The following MYO18B variants were observed in gnomAD, a reference collection of about 807,000 sequenced individuals.
The protein encoded by MYO18B is unconventional myosin-XVIIIb.
Under a neutral mutation model 273.0 loss-of-function variants are expected in MYO18B, and 204 were observed. The observed-to-expected ratio is 0.75, with a 90% CI of 0.67 to 0.84. The LOEUF (loss-of-function observed/expected upper bound fraction) is 0.84. MYO18B is among the 40% of genes least tolerant of loss of function. MYO18B has a pLI of 0.00. For synonymous variants in MYO18B, 1,330 were observed against 1,305.7 expected, an observed-to-expected ratio of 1.02 and a Z score of -0.40; for missense variants, 3,212 against 3,287.6, an observed-to-expected ratio of 0.98 and a Z score of 0.56.
chr22:25,876,870 A>C (rs2091214955), intron 24 of MYO18B: 1 of 152,182 alleles, frequency 6.6e-6, no homozygotes, highest in African/African-American at 2.4e-5. Context: ...TCTACTTAAA[A>C]TGTATTCTGA....
chr22:25,971,226 G>A (rs1377506321), intron 39 of MYO18B, among the ~76,000 whole-genome samples: 2 of 152,170 alleles, frequency 1.3e-5, no homozygotes, highest in African/African-American at 2.4e-5. Context: ...TTTGGCCCAC[G>A]GGCTGTAGTT....
At chr22:25,916,135 T>C (rs951066960) in intron 33 of MYO18B, among the ~76,000 whole-genome samples, 7 of 152,196 alleles carry the variant, frequency 4.6e-5, no homozygotes, top group African/African-American at 1.7e-4. Flanking sequence ...ACATAAAAAA[T>C]ATTCATGGTA....
At chr22:25,858,970 C>G (rs2090652437) in intron 21 of MYO18B, among the ~76,000 whole-genome samples, 4 of 152,102 alleles carry the variant, frequency 2.6e-5, no homozygotes, top group Admixed American at 2.0e-4. Flanking sequence ...GTCACTCAGC[C>G]TTTCTTTGAC....
chr22:26,049,998 A>T, the MYO18B span, among the ~76,000 whole-genome samples: 1 of 152,356 alleles, frequency 6.6e-6, no homozygotes, highest in East Asian at 1.9e-4. Context: ...TTACAAAGTG[A>T]TTCGGAGTCA....
chr22:25,963,783 A>G (rs983620566), intron 39 of MYO18B, among the ~76,000 whole-genome samples: 5 of 151,792 alleles, frequency 3.3e-5, no homozygotes, highest in African/African-American at 2.4e-5. Context: ...TTGGGTAGCT[A>G]TGGGGATTAA....
At chr22:25,948,439 C>T (rs200451591) in intron 36 of MYO18B, among the ~76,000 whole-genome samples, 7,007 of 106,126 alleles carry the variant, frequency 0.066, 249 homozygotes, top group East Asian at 0.1. Context: ...TCCTTCCTTC[C>T]TTCCTTCCTT....
intron 12 of MYO18B, among the ~76,000 whole-genome samples, chr22:25,816,180 G>A (rs1240235017): frequency 6.6e-6 from 1 of 152,066 alleles, no homozygotes; most frequent in Non-Finnish European, 1.5e-5. Flanking sequence ...GTTGTCCCTG[G>A]GCAGAAAGCC....
At chr22:25,839,445 G>T (rs2090018026) in intron 17 of MYO18B, among the ~76,000 whole-genome samples, 1 of 152,160 alleles carries the variant, frequency 6.6e-6, no homozygotes, top group Admixed American at 6.5e-5. Context: ...TGTGAGATGT[G>T]TCTGCCCCTT....
intron 39 of MYO18B, among the ~76,000 whole-genome samples, chr22:25,971,014 A>G (rs763598881): frequency 1.4e-4 from 22 of 152,222 alleles, no homozygotes; most frequent in Admixed American, 2.6e-4. Context: ...GGATGCTCTG[A>G]TCCAGGGACT....
intron 39 of MYO18B, among the ~76,000 whole-genome samples, chr22:25,980,302 T>G (rs1053119111): frequency 6.6e-6 from 1 of 152,210 alleles, no homozygotes; most frequent in Non-Finnish European, 1.5e-5. Flanking sequence ...AAATGTTAAC[T>G]TTCCAGAAAG....
chr22:26,019,562 G>C (rs1935643979), intron 42 of MYO18B, among the ~76,000 whole-genome samples: 1 of 152,168 alleles, frequency 6.6e-6, no homozygotes, highest in Non-Finnish European at 1.5e-5. Context: ...ATAATGCATA[G>C]TCCTGGGTGC....
intron 39 of MYO18B, among the ~76,000 whole-genome samples, chr22:25,990,947 C>T (rs1218855885): frequency 1.3e-5 from 2 of 152,078 alleles, no homozygotes; most frequent in African/African-American, 4.8e-5. Flanking sequence ...CATCTATAAC[C>T]CCGCTTTGCC....
intron 21 of MYO18B, among the ~76,000 whole-genome samples, chr22:25,855,081 C>G (rs2090527554): frequency 6.6e-6 from 1 of 152,076 alleles, no homozygotes; most frequent in Non-Finnish European, 1.5e-5. Context: ...AGTTATTTTT[C>G]CTGATTCTCT....
At chr22:25,762,616 C>A (rs2086362653) in intron 2 of MYO18B, among the ~76,000 whole-genome samples, 1 of 152,252 alleles carries the variant, frequency 6.6e-6, no homozygotes, top group Admixed American at 6.5e-5. Flanking sequence ...GTTCTAGGAC[C>A]CAGTGTTAGA....
chr22:26,055,923 G>A, the MYO18B span, among the ~76,000 whole-genome samples: 12 of 152,074 alleles, frequency 7.9e-5, no homozygotes, highest in African/African-American at 2.4e-4. Flanking sequence ...CTAATCCTAC[G>A]CCTGAGATGA....
chr22:25,800,188 G>A (rs992091261), intron 12 of MYO18B, among the ~76,000 whole-genome samples: 2 of 152,086 alleles, frequency 1.3e-5, no homozygotes, highest in African/African-American at 2.4e-5. Flanking sequence ...TCAGGAGGGG[G>A]AGGTTAAGAG....
chr22:26,037,873 C>T, the MYO18B span, among the ~76,000 whole-genome samples: 1 of 152,340 alleles, frequency 6.6e-6, no homozygotes, highest in East Asian at 1.9e-4. Context: ...CATCATGGCT[C>T]ATGGTCCATG....
intron 39 of MYO18B, among the ~76,000 whole-genome samples, chr22:25,964,440 G>C (rs967364387): frequency 2.0e-5 from 3 of 152,144 alleles, no homozygotes; most frequent in Non-Finnish European, 4.4e-5. Flanking sequence ...TTTTAGATAC[G>C]CAGTGTTTAC....
At chr22:25,963,696 T>C (rs972942423) in intron 39 of MYO18B, among the ~76,000 whole-genome samples, 3 of 151,726 alleles carry the variant, frequency 2.0e-5, no homozygotes, top group African/African-American at 7.3e-5. Flanking sequence ...TGGAGTCTGA[T>C]ACCTCAGACA....
Sources: gnomAD v4.1 joint callset for allele counts (sites outside exome capture counted in the v4.1 genomes callset) on GRCh38, gnomAD v4.1.1 for gene constraint, MANE v1.5 for transcripts, NCBI Gene and HGNC (gene_info 2026-07-23, HGNC 2026-07-21) for gene names.